Variants in INPP4B observed in about 807,000 individuals in gnomAD.
The protein encoded by INPP4B is inositol polyphosphate-4-phosphatase type II B.
A neutral mutation model predicts 122.5 loss-of-function variants in INPP4B; 55 were observed. The observed-to-expected ratio is 0.45, with a 90% CI of 0.36 to 0.56. The LOEUF (loss-of-function observed/expected upper bound fraction) is 0.56, where lower values mean the gene tolerates loss of function less well. INPP4B is among the 20% of genes least tolerant of loss of function. The pLI, the probability that INPP4B is intolerant of heterozygous loss-of-function variation, is 0.00. For missense variants in INPP4B, 1,000 were observed against 1,097.7 expected, an observed-to-expected ratio of 0.91 and a Z score of 1.26; for synonymous variants, 403 against 388.7, an observed-to-expected ratio of 1.04 and a Z score of -0.43.
At position 142,237,864 on chromosome 4, in the gene INPP4B, C is replaced by A; in HGVS notation, c.836G>T (p.Arg279Ile). The change falls in exon 12 of 26, where the codon AGA becomes ATA. Residue 279 changes from arginine to isoleucine, a missense_variant and splice_region_variant. Physicochemically the swap from Arg to Ile is moderately conservative, Grantham distance 97. Coordinates refer to ENST00000262992, the MANE Select transcript of INPP4B (RefSeq NM_001101669.3). ...ISLHIKEDLCRNQEIKELGEL... is the reference protein window; with the variant it reads ...ISLHIKEDLCINQEIKELGEL... ...AGAGAAAATAGTTATTTTCTCTTAC[C>A]TGCACAAATCTTCTTTAATGTGAAG... The A allele has an allele frequency of 1.3e-6, 2 of 1,535,474 alleles. No homozygotes were observed. Among genetic ancestry groups the A allele is most frequent in the Admixed American group, 1.8e-5 (1 of 56,540 alleles).
chr4:142,634,495 C>T (rs2150440642), intron 2 of INPP4B, among the ~76,000 whole-genome samples: 1 of 152,140 alleles, frequency 6.6e-6, no homozygotes, highest in East Asian at 1.9e-4. Context: ...TACAACACAA[C>T]CAAGTTCAAC....
At chr4:142,043,944 G>A (rs1749757592) in intron 25 of INPP4B, among the ~76,000 whole-genome samples, 1 of 152,140 alleles carries the variant, frequency 6.6e-6, no homozygotes, top group Admixed American at 6.5e-5. Flanking sequence ...AGACCAATTA[G>A]TAGGCTACTA....
chr4:142,032,470 T>A (rs1388673737), intron 25 of INPP4B, among the ~76,000 whole-genome samples: 3 of 152,142 alleles, frequency 2.0e-5, no homozygotes, highest in African/African-American at 7.2e-5. Flanking sequence ...GGAGGGCACA[T>A]AGATCTGAGG....
chr4:142,340,394 CTTCT>C (rs1253276707), intron 7 of INPP4B, among the ~76,000 whole-genome samples: 3 of 87,564 alleles, frequency 3.4e-5, no homozygotes, highest in African/African-American at 1.0e-4. Flanking sequence ...ATATAACGTA[CTTCT>C]TTCTTTTTTT....
chr4:142,540,333 T>G (rs556613495), intron 2 of INPP4B, among the ~76,000 whole-genome samples: 73 of 132,968 alleles, frequency 5.5e-4, no homozygotes, highest in African/African-American at 2.0e-3. Flanking sequence ...TTTTTTGGGG[T>G]TTTTTTTTTT....
chr4:142,719,016 T>A (rs1764168989), intron 2 of INPP4B, among the ~76,000 whole-genome samples: 1 of 152,244 alleles, frequency 6.6e-6, no homozygotes. Context: ...TTTTCCTTGG[T>A]ACAATGTGCT....
At chr4:142,734,310 G>A (rs753235535) in intron 1 of INPP4B, among the ~76,000 whole-genome samples, 1 of 152,102 alleles carries the variant, frequency 6.6e-6, no homozygotes, top group Non-Finnish European at 1.5e-5. Flanking sequence ...CCAGAACTGT[G>A]ATAAAATAAA....
intron 5 of INPP4B, among the ~76,000 whole-genome samples, chr4:142,422,894 T>C (rs570668083): frequency 1.8e-4 from 28 of 152,072 alleles, no homozygotes; most frequent in African/African-American, 6.7e-4. Context: ...CAGCAAAATA[T>C]AAAATAAGGC....
At chr4:142,823,794 A>G (rs1406936061) in intron 1 of INPP4B, among the ~76,000 whole-genome samples, 1 of 152,182 alleles carries the variant, frequency 6.6e-6, no homozygotes, top group Non-Finnish European at 1.5e-5. Context: ...TGCACTGTGT[A>G]AGAACAGTCA....
intron 21 of INPP4B, among the ~76,000 whole-genome samples, chr4:142,115,531 T>A (rs1034697273): frequency 5.3e-5 from 8 of 152,182 alleles, no homozygotes; most frequent in Non-Finnish European, 1.0e-4. Context: ...AAAAGAATTT[T>A]CAACCCAGAA....
At chr4:142,819,017 G>T (rs1435267748) in intron 1 of INPP4B, among the ~76,000 whole-genome samples, 1 of 152,092 alleles carries the variant, frequency 6.6e-6, no homozygotes, top group Admixed American at 6.5e-5. Context: ...GGCTCAAGAC[G>T]AATCTTTGTT....
chr4:142,236,817 A>T (rs1460203055), intron 12 of INPP4B, among the ~76,000 whole-genome samples: 1 of 152,194 alleles, frequency 6.6e-6, no homozygotes, highest in African/African-American at 2.4e-5. Context: ...AGAGTAAAAT[A>T]CTATTAAATA....
chr4:142,497,932 G>C (rs1438876659), intron 2 of INPP4B, among the ~76,000 whole-genome samples: 1 of 152,006 alleles, frequency 6.6e-6, no homozygotes, highest in Non-Finnish European at 1.5e-5. Flanking sequence ...GGAATTGTGT[G>C]GTCTGTGCCT....
At chr4:142,742,012 A>G (rs970967443) in intron 1 of INPP4B, among the ~76,000 whole-genome samples, 4 of 152,040 alleles carry the variant, frequency 2.6e-5, no homozygotes, top group Non-Finnish European at 5.9e-5. Flanking sequence ...ATAAAAAGAA[A>G]TTTGCACCAA....
At chr4:142,697,430 T>C (rs979415047) in intron 2 of INPP4B, among the ~76,000 whole-genome samples, 7 of 152,124 alleles carry the variant, frequency 4.6e-5, no homozygotes, top group African/African-American at 1.7e-4. Context: ...TCTAACGAAA[T>C]AGGTAAGCCA....
chr4:142,193,047 T>C (rs1350199587), intron 15 of INPP4B, 40 bp downstream of exon 15: 1 of 1,212,398 alleles, frequency 8.2e-7, no homozygotes, highest in Non-Finnish European at 1.2e-6. Context: ...AGGGGAGATG[T>C]TATTAATGGA....
chr4:142,845,237 C>G (rs991860452), intron 1 of INPP4B, among the ~76,000 whole-genome samples: 2 of 152,120 alleles, frequency 1.3e-5, no homozygotes, highest in African/African-American at 4.8e-5. Flanking sequence ...CCACCGACTC[C>G]CCAGGAGCAG....
intron 7 of INPP4B, among the ~76,000 whole-genome samples, chr4:142,356,291 G>A (rs9998814): frequency 0.4 from 58,814 of 147,920 alleles, 12,014 homozygotes; most frequent in East Asian, 0.64. Flanking sequence ...GTGTTGATTT[G>A]AAAATAAGAA....
At chr4:142,626,547 T>C (rs79298481) in intron 2 of INPP4B, among the ~76,000 whole-genome samples, 2 of 152,102 alleles carry the variant, frequency 1.3e-5, no homozygotes, top group African/African-American at 4.8e-5. Context: ...TGATGTGAAC[T>C]TGGAAAAGGG....
Sources: allele counts gnomAD v4.1 joint callset (sites outside exome capture counted in the v4.1 genomes callset), GRCh38; gene constraint gnomAD v4.1.1; transcripts MANE v1.5; gene names NCBI Gene and HGNC (gene_info 2026-07-23, HGNC 2026-07-21).